The following NIF3L1 variants were observed in gnomAD, a reference collection of about 807,000 sequenced individuals.
NIF3L1 encodes NIF3-like protein 1.
A neutral mutation model predicts 35.0 loss-of-function variants in NIF3L1; 26 were observed. That is an observed-to-expected ratio of 0.74 (90% CI 0.54 to 1.03). The LOEUF is 1.03. Ranked by LOEUF, NIF3L1 falls within the 50% of genes least tolerant of loss-of-function variation. The pLI, the probability that NIF3L1 is intolerant of heterozygous loss-of-function variation, is 0.00. For missense variants in NIF3L1, 449 were observed against 466.3 expected, an observed-to-expected ratio of 0.96 and a Z score of 0.34; for synonymous variants, 157 against 178.9, an observed-to-expected ratio of 0.88 and a Z score of 0.98.
intron 6 of NIF3L1, among the ~76,000 whole-genome samples, chr2:200,903,070 C>T (rs1008082641): frequency 2.0e-5 from 3 of 152,184 alleles, no homozygotes; most frequent in Admixed American, 6.5e-5. Context: ...GGTGCAGTCT[C>T]GGCTCACTGC....
intron 6 of NIF3L1, among the ~76,000 whole-genome samples, chr2:200,901,496 T>C (rs942319566): frequency 8.5e-5 from 13 of 152,166 alleles, no homozygotes; most frequent in South Asian, 4.2e-4. Context: ...TGGGGAGAAA[T>C]AGAAAATATA....
rs1165527097 is a variant in NIF3L1 at position 200,892,277 on chromosome 2, C to T, written c.334C>T (p.Leu112=). Reference sequence around the variant, plus strand: ...AACCTGGAACACATGGAAGGAGCGCCTGGTGATCCGGGCTCTGGAGAACAG... The same window carrying T: ...AACCTGGAACACATGGAAGGAGCGCTTGGTGATCCGGGCTCTGGAGAACAG... ...RITWNTWKER[L]VIRALENRVG... Residue 112 remains leucine (L), a synonymous_variant, in exon 2 of 7, where the codon CTG becomes TTG. Coordinates refer to ENST00000409020, the MANE Select transcript of NIF3L1 (RefSeq NM_001369441.2). 2.5e-6 allele frequency: 4 copies of T among 1,614,150 alleles called. No individual in the cohort carries two copies. Among genetic ancestry groups the T allele is most frequent in the Non-Finnish European group, 2.5e-6 (3 of 1,180,028 alleles).
In NIF3L1 at chr2:200,903,755, C is replaced by A; in HGVS notation, c.*77C>A. On this transcript the variant is annotated 3_prime_UTR_variant, in exon 7 of 7. Transcript: ENST00000409020. ...AAATTTGTAACATGAGTCAGTGGGACTGGTGTGCTTCCAGAGAGTGTCTTC... is the reference window on the plus strand; with the variant it reads ...AAATTTGTAACATGAGTCAGTGGGAATGGTGTGCTTCCAGAGAGTGTCTTC... 8.6e-7 allele frequency: 1 copy of A among 1,157,966 alleles called. No homozygotes were observed. Among genetic ancestry groups the A allele is most frequent in the Non-Finnish European group, 1.3e-6 (1 of 765,288 alleles). The allele number at this position is 1,157,966 out of a possible 1,614,324, so 71.7% of individuals were successfully genotyped here.
intron 1 of NIF3L1, 86 bp downstream of exon 1, chr2:200,889,738 G>T (rs1362147204): frequency 6.6e-6 from 1 of 152,420 alleles, no homozygotes; most frequent in Non-Finnish European, 1.5e-5. Context: ...TAGGACGGGA[G>T]TTGTTTCCAG....
chr2:200,901,007 A>G (rs2040402923), intron 6 of NIF3L1, among the ~76,000 whole-genome samples: 1 of 152,200 alleles, frequency 6.6e-6, no homozygotes, highest in Non-Finnish European at 1.5e-5. Context: ...ATATTGATGT[A>G]TTTCCCCTAG....
At chr2:200,891,147 C>T (rs1023844152) in intron 1 of NIF3L1, among the ~76,000 whole-genome samples, 3 of 151,896 alleles carry the variant, frequency 2.0e-5, no homozygotes. Context: ...TTAGTAGAGA[C>T]GGTTTCACCA....
chr2:200,892,024 C>T lies in NIF3L1; in HGVS notation c.81C>T (p.Phe27=), dbSNP rs1417281920. ...TGATCTGCAATTCTTCCCGTTCCTT[C>T]ATGGATTTGAAGGCTCTCCTTTCTT... ...DSLICNSSRS[F]MDLKALLSSL... Residue 27 remains phenylalanine (F), a synonymous_variant, in exon 2 of 7, where the codon TTC becomes TTT. Transcript: ENST00000409020. The T allele has an allele frequency of 1.9e-6, 3 of 1,614,186 alleles. No homozygotes were observed. Among genetic ancestry groups the T allele is most frequent in the Admixed American group, 1.7e-5 (1 of 60,028 alleles).
At position 200,891,449 on chromosome 2, in the gene NIF3L1, G is replaced by A. The variant is rs572447534; in HGVS notation, c.-26-469G>A. Among the ~76,000 whole-genome samples the A allele has an allele frequency of 3.0e-4, 46 of 152,294 alleles. 1 individual carries two copies. In the South Asian group the frequency reaches 3.9e-3, roughly 13 times the overall value. On this transcript the variant is annotated intron_variant, in intron 1 of 6. Coordinates refer to ENST00000409020, the MANE Select transcript of NIF3L1 (RefSeq NM_001369441.2). Reference sequence around the variant, plus strand: ...ATAATGGGCACACACAGAATTATGAGAATACTGAGGGGTGGGGAGCCTTGG... The same window carrying A: ...ATAATGGGCACACACAGAATTATGAAAATACTGAGGGGTGGGGAGCCTTGG...
Position 200,903,803 on chromosome 2 carries a change from T to C in NIF3L1, c.*125T>C, listed in dbSNP as rs765372655. 2 of 771,340 alleles carry C rather than the reference T, an allele frequency of 2.6e-6. No individual in the cohort carries two copies. Among genetic ancestry groups the C allele is most frequent in the Admixed American group, 2.0e-5 (1 of 50,302 alleles). The allele number at this position is 771,340 out of a possible 1,614,324, so 47.8% of individuals were successfully genotyped here. A position where few individuals can be genotyped will look rare whatever the true frequency, so the allele number is the denominator to read the frequency against. On this transcript the variant is annotated 3_prime_UTR_variant, in exon 7 of 7. Transcript: ENST00000409020. ...TTCGAGGGTATCATCATTTCCGGTT[T>C]GTTAATCTTATTCACCAAATGTTCT...
chr2:200,890,126 G>C (rs1160603487), intron 1 of NIF3L1, among the ~76,000 whole-genome samples: 1 of 152,220 alleles, frequency 6.6e-6, no homozygotes, highest in Non-Finnish European at 1.5e-5. Context: ...TGGAGGCCGA[G>C]GCAGGTGGAT....
intron 6 of NIF3L1, among the ~76,000 whole-genome samples, chr2:200,900,086 C>T (rs2040387005): frequency 1.3e-5 from 2 of 152,090 alleles, no homozygotes; most frequent in East Asian, 1.9e-4. Flanking sequence ...TTTCCTTGTA[C>T]TCCTAGTGAT....
At chr2:200,890,998 C>T (rs1483090561) in intron 1 of NIF3L1, among the ~76,000 whole-genome samples, 3 of 147,678 alleles carry the variant, frequency 2.0e-5, no homozygotes, top group Non-Finnish European at 4.4e-5. Context: ...GTTGCTCTCT[C>T]GCCAGGCTGG....
intron 3 of NIF3L1, among the ~76,000 whole-genome samples, chr2:200,894,202 T>C: frequency 6.6e-6 from 1 of 151,890 alleles, no homozygotes; most frequent in East Asian, 1.9e-4. Context: ...TGCAGATTTT[T>C]GTATTCACCT....
At chr2:200,896,045 C>T (rs1480686349) in intron 4 of NIF3L1, among the ~76,000 whole-genome samples, 1 of 150,570 alleles carries the variant, frequency 6.6e-6, no homozygotes, top group Non-Finnish European at 1.5e-5. Flanking sequence ...TTTTCACATT[C>T]CTCCTTGACT....
rs376968010 is a variant in NIF3L1, at chr2:200,892,382, G to A, written c.436+3G>A. ...CAACTGGTTGGCTAAAGGGCTTGGT[G>A]AGAAGCCTCTTTCATATTTGATATT... On this transcript the variant is annotated splice_donor_region_variant and intron_variant, in intron 2 of 6. Coordinates refer to ENST00000409020, the MANE Select transcript of NIF3L1 (RefSeq NM_001369441.2). 6.4e-7 allele frequency: 1 copy of A among 1,565,538 alleles called. No homozygotes were observed. The highest frequency in any genetic ancestry group is 1.4e-5 in the African/African-American group (1 of 73,012).
chr2:200,898,202 C>CAGCG (rs1457072026), intron 5 of NIF3L1, among the ~76,000 whole-genome samples: 1 of 152,124 alleles, frequency 6.6e-6, no homozygotes, highest in Non-Finnish European at 1.5e-5. Flanking sequence ...TCTCACGCTG[C>CAGCG]TATGAAGAAA....
In NIF3L1 at chr2:200,893,400, T is replaced by C; in HGVS notation, c.591T>C (p.Phe197=). ...KGIDGVSVTS[F]SARTGNEEQT... is the part of the protein sequence containing the mutation. ...TTGACGGTGTTTCTGTCACTTCTTT[T>C]TCTGCTAGGTACAATTTATTTTTCT... Residue 197 remains phenylalanine (F), a synonymous_variant, in exon 3 of 7, where the codon TTT becomes TTC. Transcript: ENST00000409020. The C allele has an allele frequency of 6.2e-7, 1 of 1,614,044 alleles. No individual in the cohort carries two copies. Among genetic ancestry groups the C allele is most frequent in the South Asian group, 1.1e-5 (1 of 91,056 alleles).
rs1559348975 is a variant in NIF3L1 at position 200,893,256 on chromosome 2, C to T, written c.447C>T (p.Thr149=). Residue 149 remains threonine (T), a synonymous_variant, in exon 3 of 7, where the codon ACC becomes ACT. Transcript: ENST00000409020. ...NWLAKGLGAC[T]SRPIHPSKAP... ...CAATATTTTCTCTAGGAGCTTGTAC[C>T]TCCAGGCCCATACATCCTTCCAAAG... 5.2e-6 allele frequency: 8 copies of T among 1,527,528 alleles called. No individual in the cohort carries two copies. The highest frequency in any genetic ancestry group is 6.2e-6 in the Non-Finnish European group (7 of 1,135,834). 94.6% of individuals were successfully genotyped at this position (1,527,528 alleles called of 1,614,324 possible). A position where few individuals can be genotyped will look rare whatever the true frequency, so the allele number is the denominator to read the frequency against.
intron 6 of NIF3L1, among the ~76,000 whole-genome samples, chr2:200,901,650 G>A (rs1259182051): frequency 3.3e-5 from 5 of 152,158 alleles, no homozygotes; most frequent in African/African-American, 7.2e-5. Context: ...CATTGTATTA[G>A]GTTGTTAAGG....
Sources: allele counts gnomAD v4.1 joint callset (sites outside exome capture counted in the v4.1 genomes callset), GRCh38; gene constraint gnomAD v4.1.1; transcripts MANE v1.5; gene names NCBI Gene and HGNC (gene_info 2026-07-23, HGNC 2026-07-21).